The following DENND1A variants were observed in gnomAD, a reference collection of about 807,000 sequenced individuals.
DENND1A encodes DENN domain-containing protein 1A.
DENND1A carries 51 observed loss-of-function variants against 113.7 expected under a neutral mutation model. The ratio of observed to expected loss-of-function variants is 0.45; its 90% CI spans 0.36 to 0.57. The LOEUF (loss-of-function observed/expected upper bound fraction) is 0.57, where lower values mean the gene tolerates loss of function less well. Among genes scored for constraint, DENND1A ranks in the 20% least tolerant of loss-of-function variants. The pLI, the probability that DENND1A is intolerant of heterozygous loss-of-function variation, is 0.00. For missense variants in DENND1A, 1,258 were observed against 1,395.9 expected, an observed-to-expected ratio of 0.90 and a Z score of 1.57; for synonymous variants, 565 against 570.8, an observed-to-expected ratio of 0.99 and a Z score of 0.14.
At chr9:123,425,916 T>G (rs768375468) in intron 19 of DENND1A, among the ~76,000 whole-genome samples, 1 of 152,202 alleles carries the variant, frequency 6.6e-6, no homozygotes, top group Non-Finnish European at 1.5e-5. Context: ...TGGTAGGGGC[T>G]GATTCATCCC....
intron 13 of DENND1A, among the ~76,000 whole-genome samples, chr9:123,526,596 C>A (rs1588986986): frequency 6.6e-6 from 1 of 152,324 alleles, no homozygotes; most frequent in African/African-American, 2.4e-5. Context: ...ACTGGTCTCA[C>A]CCAAGATCCC....
At chr9:123,421,820 AC>A (rs2045330569) in intron 19 of DENND1A, among the ~76,000 whole-genome samples, 1 of 152,180 alleles carries the variant, frequency 6.6e-6, no homozygotes, top group Admixed American at 6.5e-5. Context: ...TTTCCCTGCC[AC>A]TGGCAGCCCA....
At chr9:123,677,686 G>A (rs138545746) in intron 5 of DENND1A, among the ~76,000 whole-genome samples, 89 of 152,226 alleles carry the variant, frequency 5.8e-4, no homozygotes, top group African/African-American at 2.0e-3. Flanking sequence ...TGCCTGCCTC[G>A]GCCTCCCAAA....
intron 13 of DENND1A, among the ~76,000 whole-genome samples, chr9:123,483,592 C>T (rs1227376481): frequency 5.9e-5 from 9 of 152,242 alleles, no homozygotes; most frequent in Admixed American, 1.3e-4. Context: ...GGGTCTGTTC[C>T]GGGTTCCATG....
At chr9:123,453,428 G>A (rs1003785964) in intron 16 of DENND1A, among the ~76,000 whole-genome samples, 1 of 152,158 alleles carries the variant, frequency 6.6e-6, no homozygotes. Context: ...AAGCCATGGC[G>A]TATGCTGTAA....
intron 18 of DENND1A, among the ~76,000 whole-genome samples, chr9:123,441,401 A>G (rs1021848119): frequency 1.3e-5 from 2 of 152,240 alleles, no homozygotes; most frequent in African/African-American, 4.8e-5. Context: ...TCTGGCAGAA[A>G]ATAAAAAGAT....
At chr9:123,702,271 G>GA (rs943548167) in intron 5 of DENND1A, among the ~76,000 whole-genome samples, 1 of 151,366 alleles carries the variant, frequency 6.6e-6, no homozygotes, top group African/African-American at 2.4e-5. Flanking sequence ...GATAAAAAAG[G>GA]AAAAAAAAGG....
At chr9:123,418,902 G>T (rs1324694620) in intron 19 of DENND1A, among the ~76,000 whole-genome samples, 1 of 152,226 alleles carries the variant, frequency 6.6e-6, no homozygotes, top group Non-Finnish European at 1.5e-5. Context: ...GTTTGTGCAT[G>T]GGGCAGAGGG....
chr9:123,629,369 C>G (rs1381111790), intron 10 of DENND1A, among the ~76,000 whole-genome samples: 1 of 152,210 alleles, frequency 6.6e-6, no homozygotes, highest in Non-Finnish European at 1.5e-5. Flanking sequence ...ATGTCTTTAA[C>G]TGCATTACAC....
At chr9:123,694,542 A>C (rs1385015951) in intron 5 of DENND1A, among the ~76,000 whole-genome samples, 2 of 152,248 alleles carry the variant, frequency 1.3e-5, no homozygotes, top group African/African-American at 4.8e-5. Context: ...TTCTGTGCCC[A>C]TTGAATGGCA....
At chr9:123,872,431 G>A (rs1344040576) in intron 2 of DENND1A, among the ~76,000 whole-genome samples, 1 of 152,084 alleles carries the variant, frequency 6.6e-6, no homozygotes, top group Non-Finnish European at 1.5e-5. Flanking sequence ...TAATTTTAGG[G>A]AAAGCTTAAT....
chr9:123,473,658 GGCT>G (rs1038298039), intron 13 of DENND1A, among the ~76,000 whole-genome samples: 1 of 152,114 alleles, frequency 6.6e-6, no homozygotes, highest in South Asian at 2.1e-4. Flanking sequence ...GCAGTATGAG[GGCT>G]GCTATTTTTG....
chr9:123,658,179 G>A (rs1026154387), intron 8 of DENND1A, among the ~76,000 whole-genome samples: 2 of 151,532 alleles, frequency 1.3e-5, no homozygotes, highest in South Asian at 2.1e-4. Context: ...TGCTTTCCTC[G>A]CATCATTAAC....
chr9:123,916,364 G>A (rs899422358), intron 1 of DENND1A, among the ~76,000 whole-genome samples: 2 of 142,942 alleles, frequency 1.4e-5, no homozygotes, highest in South Asian at 2.2e-4. Context: ...ATATATCTAC[G>A]TATTTGCTTT....
intron 13 of DENND1A, among the ~76,000 whole-genome samples, chr9:123,545,460 C>A (rs2056600389): frequency 1.3e-5 from 2 of 151,700 alleles, no homozygotes; most frequent in African/African-American, 4.9e-5. Context: ...AATAAGATCT[C>A]CTGTCTCCTG....
intron 5 of DENND1A, among the ~76,000 whole-genome samples, chr9:123,739,589 C>T (rs1283193430): frequency 6.6e-6 from 1 of 152,130 alleles, no homozygotes; most frequent in East Asian, 1.9e-4. Flanking sequence ...TTTTCAGGTC[C>T]TACTCTTCTA....
chr9:123,480,296 C>A (rs76280687), intron 13 of DENND1A, among the ~76,000 whole-genome samples: 1 of 152,162 alleles, frequency 6.6e-6, no homozygotes, highest in Non-Finnish European at 1.5e-5. Flanking sequence ...CATGTGCTCA[C>A]GCCACACCTG....
At chr9:123,680,448 T>C (rs555080826) in intron 5 of DENND1A, among the ~76,000 whole-genome samples, 4 of 152,354 alleles carry the variant, frequency 2.6e-5, no homozygotes, top group Non-Finnish European at 4.4e-5. Context: ...CAACAGCCCA[T>C]AGTCAAAATC....
chr9:123,852,623 A>G (rs1843548866), intron 2 of DENND1A, among the ~76,000 whole-genome samples: 1 of 152,232 alleles, frequency 6.6e-6, no homozygotes, highest in Non-Finnish European at 1.5e-5. Flanking sequence ...ACTAATGAAT[A>G]TAACAGCACA....
Sources: gnomAD v4.1 joint callset for allele counts (sites outside exome capture counted in the v4.1 genomes callset) on GRCh38, gnomAD v4.1.1 for gene constraint, MANE v1.5 for transcripts, NCBI Gene and HGNC (gene_info 2026-07-23, HGNC 2026-07-21) for gene names.